SGCZ: variants seen among roughly 807,000 people sequenced by gnomAD.
SGCZ encodes the protein sarcoglycan zeta.
A neutral mutation model predicts 41.3 loss-of-function variants in SGCZ; 40 were observed. That is an observed-to-expected ratio of 0.97 (90% CI 0.75 to 1.26). SGCZ has a LOEUF of 1.26. SGCZ is among the 50% of genes most tolerant of loss of function. The pLI is 0.00. For missense variants in SGCZ, 552 were observed against 369.8 expected (o/e 1.49, Z -4.04); for synonymous variants, 206 against 137.5 (o/e 1.50, Z -3.49).
At chr8:15,102,121 C>G (rs1806638715) in intron 1 of SGCZ, among the ~76,000 whole-genome samples, 1 of 152,158 alleles carries the variant, frequency 6.6e-6, no homozygotes, top group African/African-American at 2.4e-5. Flanking sequence ...GTATTTATAG[C>G]AGCTTTATTC....
At chr8:14,778,071 G>A (rs532228512) in intron 1 of SGCZ, among the ~76,000 whole-genome samples, 2 of 152,078 alleles carry the variant, frequency 1.3e-5, no homozygotes, top group African/African-American at 2.4e-5. Context: ...ATATAGGCAT[G>A]CACCATCATG....
chr8:14,164,165 T>A (rs1350544708), intron 5 of SGCZ, among the ~76,000 whole-genome samples: 1 of 152,194 alleles, frequency 6.6e-6, no homozygotes, highest in African/African-American at 2.4e-5. Flanking sequence ...TAAAATTAAT[T>A]TAGTTTACTT....
intron 1 of SGCZ, among the ~76,000 whole-genome samples, chr8:14,769,951 T>C (rs1800181514): frequency 6.6e-6 from 1 of 151,854 alleles, no homozygotes; most frequent in African/African-American, 2.4e-5. Context: ...AGTTGGCCTC[T>C]ATCAGCCAGT....
chr8:14,733,612 T>G (rs898725006), intron 1 of SGCZ, among the ~76,000 whole-genome samples: 1 of 152,190 alleles, frequency 6.6e-6, no homozygotes, highest in South Asian at 2.1e-4. Flanking sequence ...TTTGTGAGAT[T>G]TTATATCTTA....
chr8:14,218,295 T>A (rs1474329925), intron 4 of SGCZ, among the ~76,000 whole-genome samples: 1 of 152,078 alleles, frequency 6.6e-6, no homozygotes, highest in East Asian at 1.9e-4. Flanking sequence ...TTAGCAACAA[T>A]TAGAAAATGA....
chr8:14,991,877 A>G (rs533059646), intron 1 of SGCZ, among the ~76,000 whole-genome samples: 1 of 148,920 alleles, frequency 6.7e-6, no homozygotes, highest in Admixed American at 6.7e-5. Context: ...TATCCTTGAT[A>G]TTTACCTCTC....
At chr8:14,588,664 A>G (rs190253496) in intron 1 of SGCZ, among the ~76,000 whole-genome samples, 76 of 152,268 alleles carry the variant, frequency 5.0e-4, no homozygotes, top group African/African-American at 1.8e-3. Flanking sequence ...AACGTTAGGA[A>G]GGGAGGAGGA....
chr8:14,240,895 C>T (rs896617186), intron 3 of SGCZ, among the ~76,000 whole-genome samples: 9 of 152,030 alleles, frequency 5.9e-5, no homozygotes, highest in Non-Finnish European at 8.8e-5. Flanking sequence ...GATAAAAATA[C>T]GTATAATGAT....
chr8:15,190,158 C>G (rs1800485260), intron 1 of SGCZ, among the ~76,000 whole-genome samples: 2 of 152,194 alleles, frequency 1.3e-5, no homozygotes, highest in Non-Finnish European at 2.9e-5. Context: ...AAACCCTACT[C>G]TCACCACCAT....
intron 1 of SGCZ, among the ~76,000 whole-genome samples, chr8:14,593,230 G>T (rs1805296319): frequency 1.3e-5 from 2 of 152,172 alleles, no homozygotes; most frequent in South Asian, 2.1e-4. Flanking sequence ...GTTGTAAAAG[G>T]AAGCAAGAGA....
chr8:14,796,745 T>C (rs1028167538), intron 1 of SGCZ, among the ~76,000 whole-genome samples: 1 of 152,116 alleles, frequency 6.6e-6, no homozygotes. Flanking sequence ...CATCCAAATC[T>C]CATCTCAAAT....
At chr8:14,403,199 TG>T (rs1368332360) in intron 2 of SGCZ, among the ~76,000 whole-genome samples, 1 of 149,914 alleles carries the variant, frequency 6.7e-6, no homozygotes, top group Non-Finnish European at 1.5e-5. Context: ...GCTGAGACGA[TG>T]GGGTTTTCTA....
At position 14,804,693 on chromosome 8, in the gene SGCZ, G is replaced by C. The variant is rs1263789665; in HGVS notation, c.40-249767C>G. On this transcript the variant is annotated intron_variant, in intron 1 of 7. Coordinates refer to ENST00000382080, the MANE Select transcript of SGCZ (RefSeq NM_139167.4). ...CAGGAGAACTTCCCCAATCTAGCAA[G>C]GCAGGCCAACGTTCAGATGCAGGAA... Among the ~76,000 whole-genome samples the C allele has an allele frequency of 3.1e-5, 4 of 128,238 alleles. No individual in the cohort carries two copies. The South Asian group carries it at 1.2e-3, about 37-fold the overall frequency. 84.1% of individuals were successfully genotyped at this position (128,238 alleles called of 152,430 possible). A position where few individuals can be genotyped will look rare whatever the true frequency, so the allele number is the denominator to read the frequency against.
chr8:14,792,347 A>G (rs1286363627), intron 1 of SGCZ, among the ~76,000 whole-genome samples: 1 of 152,138 alleles, frequency 6.6e-6, no homozygotes, highest in Non-Finnish European at 1.5e-5. Flanking sequence ...CATATCGCTC[A>G]GGCTGTTAAC....
intron 2 of SGCZ, among the ~76,000 whole-genome samples, chr8:14,326,544 G>A (rs1224201579): frequency 6.6e-6 from 1 of 152,070 alleles, no homozygotes; most frequent in Non-Finnish European, 1.5e-5. Context: ...GAAGGAGAAA[G>A]TAAGAGATTT....
In SGCZ at chr8:15,142,798, G is replaced by A. The variant is rs1798928154; in HGVS notation, c.39+94787C>T. Among the ~76,000 whole-genome samples, 7 of 152,030 alleles carry A rather than the reference G, an allele frequency of 4.6e-5. No homozygotes were observed. The South Asian group carries it at 1.5e-3, about 32-fold the overall frequency. On this transcript the variant is annotated intron_variant, in intron 1 of 7. Coordinates refer to ENST00000382080, the MANE Select transcript of SGCZ (RefSeq NM_139167.4). The stretch of plus-strand genomic sequence containing the variant: ...AGCTACTTTTTGTATTTTTGTAGAG[G>A]CAGGGTTTTGCCATGTTGCCCAGGC...
intron 3 of SGCZ, 64 bp downstream of exon 3, chr8:14,324,039 A>C (rs1802013312): frequency 8.8e-7 from 1 of 1,136,102 alleles, no homozygotes; most frequent in Non-Finnish European, 1.3e-6. Flanking sequence ...CTACCCTGCT[A>C]TTTCAAGCTA....
chr8:14,781,867 C>A (rs1800598726), intron 1 of SGCZ, among the ~76,000 whole-genome samples: 1 of 152,072 alleles, frequency 6.6e-6, no homozygotes, highest in Non-Finnish European at 1.5e-5. Context: ...TGTAAAATAT[C>A]TCATGTAATT....
At chr8:14,126,428 T>A (rs991668411) in intron 5 of SGCZ, among the ~76,000 whole-genome samples, 1 of 151,782 alleles carries the variant, frequency 6.6e-6, no homozygotes, top group African/African-American at 2.4e-5. Flanking sequence ...CACAGTGAGA[T>A]ACCATATTAT....
Sources: allele counts gnomAD v4.1 joint callset (sites outside exome capture counted in the v4.1 genomes callset), GRCh38; gene constraint gnomAD v4.1.1; transcripts MANE v1.5; gene names NCBI Gene and HGNC (gene_info 2026-07-23, HGNC 2026-07-21).